The following COL22A1 variants were observed in gnomAD, a reference collection of about 807,000 sequenced individuals.
The protein encoded by COL22A1 is collagen type XXII alpha 1 chain.
Under a neutral mutation model 248.9 loss-of-function variants are expected in COL22A1, and 221 were observed. The observed-to-expected ratio is 0.89, with a 90% CI of 0.80 to 0.99. The LOEUF is 0.99. Among genes scored for constraint, COL22A1 ranks in the 50% least tolerant of loss-of-function variants. The pLI is 0.00. For synonymous variants in COL22A1, 891 were observed against 793.4 expected (o/e 1.12, Z -2.07); for missense variants, 2,240 against 2,179.0 (o/e 1.03, Z -0.56).
chr8:138,615,112 G>A (rs931758961), intron 55 of COL22A1, among the ~76,000 whole-genome samples: 20 of 152,232 alleles, frequency 1.3e-4, no homozygotes, highest in Non-Finnish European at 2.8e-4. Context: ...CCTGGGGGAT[G>A]TGGAGCTGGT....
intron 1 of COL22A1, among the ~76,000 whole-genome samples, chr8:138,913,136 T>C (rs951761457): frequency 6.6e-6 from 1 of 152,158 alleles, no homozygotes; most frequent in Non-Finnish European, 1.5e-5. Context: ...CTAAGTTCCC[T>C]GACAGTAAAT....
intron 40 of COL22A1, among the ~76,000 whole-genome samples, chr8:138,677,021 T>A (rs760848943): frequency 6.6e-6 from 1 of 152,182 alleles, no homozygotes; most frequent in Admixed American, 6.5e-5. Flanking sequence ...TCAATTTAGA[T>A]CCCAAATCAC....
chr8:138,776,474 G>C (rs1197595122), intron 15 of COL22A1, among the ~76,000 whole-genome samples: 2 of 152,154 alleles, frequency 1.3e-5, no homozygotes, highest in African/African-American at 2.4e-5. Context: ...TAGGGTCACT[G>C]TCTGTCCCCA....
rs966890189 is a variant in COL22A1 at position 138,664,200 on chromosome 8, C to T, written c.3151-460G>A. On this transcript the variant is annotated intron_variant, in intron 41 of 64. Coordinates refer to ENST00000303045, the MANE Select transcript of COL22A1 (RefSeq NM_152888.3). ...TCCCTTCTCCAACAAGGGGTGCGCG[C>T]GCGCGCGCGCACACACACACACACA... 5.2e-4 allele frequency among the ~76,000 whole-genome samples: 45 copies of T among 86,074 alleles called. 1 individual carries two copies. Among genetic ancestry groups the T allele is most frequent in the African/African-American group, 1.7e-3 (40 of 22,894 alleles). 56.5% of individuals were successfully genotyped at this position (86,074 alleles called of 152,430 possible).
chr8:138,810,811 A>G (rs143244086), intron 9 of COL22A1, among the ~76,000 whole-genome samples: 145 of 152,350 alleles, frequency 9.5e-4, no homozygotes, highest in Non-Finnish European at 1.5e-3. Flanking sequence ...GACTGCTGCT[A>G]CAATACCCAG....
Position 138,707,410 on chromosome 8 carries a change from C to T in COL22A1, c.2518-4063G>A, listed in dbSNP as rs192161560. 4.6e-3 allele frequency among the ~76,000 whole-genome samples: 707 copies of T among 152,236 alleles called. 3 individuals are homozygous for T. The highest frequency in any genetic ancestry group is 0.01 in the Admixed American group (153 of 15,296). On this transcript the variant is annotated intron_variant, in intron 30 of 64. Coordinates refer to ENST00000303045, the MANE Select transcript of COL22A1 (RefSeq NM_152888.3). The stretch of plus-strand genomic sequence containing the variant: ...TCAATAAAATATGGCAAACCGAATC[C>T]GGCAGCACATCAAAAAGCTTATCCA...
chr8:138,769,303 C>T (rs369291722), intron 16 of COL22A1, among the ~76,000 whole-genome samples: 20 of 152,280 alleles, frequency 1.3e-4, no homozygotes, highest in African/African-American at 4.3e-4. Flanking sequence ...GACCACATAA[C>T]GTGGCCTCAG....
intron 63 of COL22A1, among the ~76,000 whole-genome samples, chr8:138,592,395 G>T (rs1204695704): frequency 3.9e-5 from 6 of 152,164 alleles, no homozygotes; most frequent in African/African-American, 1.2e-4. Flanking sequence ...GGTTCACGGG[G>T]ACTTCAGACC....
At chr8:138,633,284 A>T (rs972880098) in intron 49 of COL22A1, among the ~76,000 whole-genome samples, 1 of 152,240 alleles carries the variant, frequency 6.6e-6, no homozygotes, top group East Asian at 1.9e-4. Context: ...ACATCTGCCA[A>T]GTGAATTGAA....
In COL22A1 at chr8:138,821,281, A is replaced by G; in HGVS notation, c.1100T>C (p.Met367Thr). 6.2e-7 allele frequency: 1 copy of G among 1,614,210 alleles called. No individual in the cohort carries two copies. The highest frequency in any genetic ancestry group is 8.5e-7 in the Non-Finnish European group (1 of 1,180,034). Residue 367 changes from methionine to threonine, a missense_variant, in exon 7 of 65, where the codon ATG becomes ACG. By Grantham distance (81) the Met-to-Thr change is moderately conservative (BLOSUM62 -1). Coordinates refer to ENST00000303045, the MANE Select transcript of COL22A1 (RefSeq NM_152888.3). ...GTTCTGGGCCTGGATGCTCAGGGCCATCTTGTGCCAGTCCCGGTCAAAGAG... is the reference window on the plus strand; with the variant it reads ...GTTCTGGGCCTGGATGCTCAGGGCCGTCTTGTGCCAGTCCCGGTCAAAGAG... The part of the protein sequence containing the change: ...NDLFDRDWHK[M>T]ALSIQAQNVS...
At chr8:138,703,478 C>T (rs1828136455) in intron 30 of COL22A1, 131 bp from the exon 31 acceptor site, 3 of 702,796 alleles carry the variant, frequency 4.3e-6, no homozygotes, top group African/African-American at 1.8e-5. Flanking sequence ...CAGGTAGGTG[C>T]ACCCTGCACC....
intron 12 of COL22A1, among the ~76,000 whole-genome samples, 160 bp from the exon 13 acceptor site, chr8:138,781,140 G>A (rs1004950422): frequency 3.3e-5 from 5 of 152,222 alleles, no homozygotes; most frequent in African/African-American, 7.2e-5. Flanking sequence ...CATCACTTGG[G>A]AGAGTATAAA....
At chr8:138,692,248 GTA>G (rs796283768) in intron 35 of COL22A1, among the ~76,000 whole-genome samples, 152 of 52,762 alleles carry the variant, frequency 2.9e-3, no homozygotes, top group Middle Eastern at 0.011. Flanking sequence ...GTTTGTGGAC[GTA>G]TGTGTGCGTG....
chr8:138,811,961 C>T, intron 8 of COL22A1, 40 bp from the exon 9 acceptor site: 2 of 1,504,846 alleles, frequency 1.3e-6, no homozygotes, highest in Admixed American at 2.1e-5. Flanking sequence ...TGGCTCTTCA[C>T]TCAGCAGGCA....
intron 60 of COL22A1, among the ~76,000 whole-genome samples, chr8:138,600,659 C>A (rs906554323): frequency 6.6e-6 from 1 of 152,188 alleles, no homozygotes; most frequent in Non-Finnish European, 1.5e-5. Flanking sequence ...ACTTGTCCTG[C>A]AATTTTCACT....
chr8:138,723,257 C>T (rs1187021637), intron 25 of COL22A1, among the ~76,000 whole-genome samples: 1 of 152,122 alleles, frequency 6.6e-6, no homozygotes, highest in African/African-American at 2.4e-5. Context: ...ACTCATCTCT[C>T]CCTGTGCCTC....
chr8:138,689,226 C>A (rs948525826), intron 36 of COL22A1, among the ~76,000 whole-genome samples: 1 of 151,990 alleles, frequency 6.6e-6, no homozygotes, highest in African/African-American at 2.4e-5. Context: ...CTGCTGGAAG[C>A]TTTACCGCCT....
chr8:138,656,023 G>T, intron 44 of COL22A1, 79 bp from the exon 45 acceptor site: 1 of 1,204,934 alleles, frequency 8.3e-7, no homozygotes, highest in South Asian at 1.2e-5. Flanking sequence ...AAAGCAAAAG[G>T]ACTTTAAAGT....
At chr8:138,780,208 A>G (rs1429283779) in intron 13 of COL22A1, among the ~76,000 whole-genome samples, 2 of 152,178 alleles carry the variant, frequency 1.3e-5, no homozygotes, top group African/African-American at 4.8e-5. Flanking sequence ...GAGTGGAGTG[A>G]GAAGAGAGTC....
Sources: allele counts gnomAD v4.1 joint callset (sites outside exome capture counted in the v4.1 genomes callset), GRCh38; gene constraint gnomAD v4.1.1; transcripts MANE v1.5; gene names NCBI Gene and HGNC (gene_info 2026-07-23, HGNC 2026-07-21).